SLC24A2: variants seen among roughly 807,000 people sequenced by gnomAD.
The protein encoded by SLC24A2 is sodium/potassium/calcium exchanger 2.
Under a neutral mutation model 62.0 loss-of-function variants are expected in SLC24A2, and 36 were observed. The ratio of observed to expected loss-of-function variants is 0.58; its 90% CI spans 0.44 to 0.77. The LOEUF (loss-of-function observed/expected upper bound fraction) is 0.77. Among genes scored for constraint, SLC24A2 ranks in the 30% least tolerant of loss-of-function variants. The probability of loss-of-function intolerance (pLI) is 0.00; values close to 1 mark genes in which losing one functional copy is unlikely to be tolerated. For missense variants in SLC24A2, 846 were observed against 817.9 expected, an observed-to-expected ratio of 1.03 and a Z score of -0.42; for synonymous variants, 358 against 294.0, an observed-to-expected ratio of 1.22 and a Z score of -2.23.
At chr9:19,887,812 G>A in the SLC24A2 span, among the ~76,000 whole-genome samples, 1 of 152,096 alleles carries the variant, frequency 6.6e-6, no homozygotes, top group South Asian at 2.1e-4. Context: ...ATATATGATG[G>A]GACACCACTC....
intron 7 of SLC24A2, among the ~76,000 whole-genome samples, chr9:19,562,613 G>C (rs1449170876): frequency 9.9e-5 from 15 of 151,958 alleles, no homozygotes; most frequent in Non-Finnish European, 2.1e-4. Context: ...CTGGACCCCA[G>C]TTTTTCCTAA....
the SLC24A2 span, among the ~76,000 whole-genome samples, chr9:20,204,860 C>G: frequency 6.6e-6 from 1 of 151,528 alleles, no homozygotes; most frequent in Non-Finnish European, 1.5e-5. Context: ...TCTCCTGCCT[C>G]AGCCTCCCGA....
the SLC24A2 span, among the ~76,000 whole-genome samples, chr9:20,004,848 C>T: frequency 6.6e-6 from 1 of 151,258 alleles, no homozygotes; most frequent in Non-Finnish European, 1.5e-5. Context: ...CATAATTGAA[C>T]CTGAGTTGAT....
At chr9:19,542,970 C>A (rs200706796) in intron 8 of SLC24A2, among the ~76,000 whole-genome samples, 1 of 152,046 alleles carries the variant, frequency 6.6e-6, no homozygotes, top group Admixed American at 6.6e-5. Context: ...TAGGGAGGAT[C>A]CCCTCTTTTT....
chr9:19,871,047 C>T, the SLC24A2 span, among the ~76,000 whole-genome samples: 1 of 151,720 alleles, frequency 6.6e-6, no homozygotes, highest in African/African-American at 2.4e-5. Flanking sequence ...CTTTTGCTGT[C>T]ATATCTAAGA....
chr9:19,737,828 T>C (rs1476783246), intron 2 of SLC24A2, among the ~76,000 whole-genome samples: 1 of 152,084 alleles, frequency 6.6e-6, no homozygotes, highest in East Asian at 1.9e-4. Flanking sequence ...TTATTAAATA[T>C]TTTTATAAAA....
chr9:20,041,364 G>A, the SLC24A2 span, among the ~76,000 whole-genome samples: 22 of 152,248 alleles, frequency 1.4e-4, no homozygotes, highest in Admixed American at 1.2e-3. Context: ...ATATGTTACC[G>A]ACACATGTTT....
chr9:19,860,517 C>A, the SLC24A2 span, among the ~76,000 whole-genome samples: 2 of 152,092 alleles, frequency 1.3e-5, no homozygotes, highest in Non-Finnish European at 2.9e-5. Flanking sequence ...ACATTCCCAG[C>A]TGTGGTGGCT....
the SLC24A2 span, among the ~76,000 whole-genome samples, chr9:19,995,044 G>A: frequency 6.6e-6 from 1 of 150,892 alleles, no homozygotes; most frequent in Non-Finnish European, 1.5e-5. Context: ...GGATGGTGAG[G>A]GGATTTAACC....
the SLC24A2 span, among the ~76,000 whole-genome samples, chr9:19,830,353 G>A: frequency 1.3e-5 from 2 of 152,120 alleles, no homozygotes; most frequent in Non-Finnish European, 2.9e-5. Flanking sequence ...TAACACATTT[G>A]ATATATTTAT....
the SLC24A2 span, chr9:19,895,862 G>T: frequency 3.1e-6 from 5 of 1,611,544 alleles, no homozygotes; most frequent in South Asian, 4.4e-5. Context: ...GCAAAGAAGG[G>T]GTGCAGCAGG....
At chr9:19,520,680 G>C (rs1406054660) in intron 10 of SLC24A2, among the ~76,000 whole-genome samples, 2 of 151,844 alleles carry the variant, frequency 1.3e-5, no homozygotes, top group Non-Finnish European at 2.9e-5. Context: ...ATGTGCTTCT[G>C]CTTGTCTAGG....
intron 8 of SLC24A2, among the ~76,000 whole-genome samples, chr9:19,543,257 G>C (rs1353158027): frequency 1.3e-5 from 2 of 152,160 alleles, no homozygotes; most frequent in South Asian, 2.1e-4. Context: ...TTGTATTTCT[G>C]TGGGATCAGT....
chr9:20,104,101 G>C, the SLC24A2 span, among the ~76,000 whole-genome samples: 3 of 152,182 alleles, frequency 2.0e-5, no homozygotes, highest in South Asian at 4.1e-4. Flanking sequence ...GGGTATCAGT[G>C]ATGGAAGATG....
chr9:19,707,567 G>C (rs956797974), intron 2 of SLC24A2, among the ~76,000 whole-genome samples: 4 of 152,084 alleles, frequency 2.6e-5, no homozygotes, highest in African/African-American at 9.7e-5. Flanking sequence ...TGATCAAGTG[G>C]GCTTCATCCC....
At chr9:20,304,398 T>C in the SLC24A2 span, among the ~76,000 whole-genome samples, 1 of 152,196 alleles carries the variant, frequency 6.6e-6, no homozygotes, top group South Asian at 2.1e-4. Context: ...AAAGAGTCCA[T>C]TGTAATAAAC....
the SLC24A2 span, among the ~76,000 whole-genome samples, chr9:19,871,573 AT>A: frequency 6.6e-6 from 1 of 152,048 alleles, no homozygotes; most frequent in Non-Finnish European, 1.5e-5. Context: ...CATAATATCC[AT>A]TTTATTCATA....
the SLC24A2 span, among the ~76,000 whole-genome samples, chr9:19,978,997 T>C: frequency 2.0e-5 from 3 of 152,204 alleles, no homozygotes; most frequent in Non-Finnish European, 4.4e-5. Flanking sequence ...TGTGCTTGTG[T>C]TGGCATGTGT....
At chr9:19,622,568 C>A (rs998122636) in intron 2 of SLC24A2, among the ~76,000 whole-genome samples, 1 of 152,188 alleles carries the variant, frequency 6.6e-6, no homozygotes, top group Non-Finnish European at 1.5e-5. Flanking sequence ...GTTAAGTCAA[C>A]TGTGGCCCAG....
Sources: allele counts gnomAD v4.1 joint callset (sites outside exome capture counted in the v4.1 genomes callset), GRCh38; gene constraint gnomAD v4.1.1; transcripts MANE v1.5; gene names NCBI Gene and HGNC (gene_info 2026-07-23, HGNC 2026-07-21).